Variants in DOCK8 observed in about 807,000 individuals in gnomAD.
DOCK8 encodes the protein dedicator of cytokinesis 8, also known as dedicator of cytokinesis protein 8.
DOCK8 carries 141 observed loss-of-function variants against 245.6 expected under a neutral mutation model. That is an observed-to-expected ratio of 0.57 (90% CI 0.50 to 0.66). DOCK8 has a LOEUF of 0.66. DOCK8 is among the 30% of genes least tolerant of loss of function. The probability of loss-of-function intolerance (pLI) is 0.00; values close to 1 mark genes in which losing one functional copy is unlikely to be tolerated. For missense variants in DOCK8, 2,965 were observed against 2,603.4 expected (o/e 1.14, Z -3.02); for synonymous variants, 1,168 against 970.2 (o/e 1.20, Z -3.79).
Position 386,376 on chromosome 9 carries a change from A to G in DOCK8, c.2824A>G (p.Ser942Gly), listed in dbSNP as rs2131324914. 6.2e-7 allele frequency: 1 copy of G among 1,614,014 alleles called. No individual in the cohort carries two copies. ...CSRMSYYCSG[S>G]SDAPSSPAAP... Reference sequence around the variant, plus strand: ...CCGAATGTCTTACTATTGCTCTGGCAGTAGTGATGCTCCAAGTTCACCTGC... The same window carrying G: ...CCGAATGTCTTACTATTGCTCTGGCGGTAGTGATGCTCCAAGTTCACCTGC... The change falls in exon 23 of 48, where the codon AGT becomes GGT. Residue 942 changes from serine (S) to glycine (G), a missense_variant. Ser to Gly is a moderately conservative substitution (Grantham distance 56, BLOSUM62 0). Transcript: ENST00000432829.
chr9:377,269 T>G, intron 20 of DOCK8, 58 bp downstream of exon 20: 2 of 1,459,026 alleles, frequency 1.4e-6, no homozygotes. Flanking sequence ...ATTGCCTTCT[T>G]TAATGAAAAA....
intron 1 of DOCK8, among the ~76,000 whole-genome samples, chr9:218,148 C>G (rs1170626131): frequency 6.6e-6 from 1 of 151,942 alleles, no homozygotes; most frequent in African/African-American, 2.4e-5. Context: ...TTAAATAGGT[C>G]AAATTCCAAA....
At position 340,169 on chromosome 9, in the gene DOCK8, A is replaced by G. The variant is rs2051509879; in HGVS notation, c.1527A>G (p.Arg509=). The G allele has an allele frequency of 6.2e-7, 1 of 1,613,974 alleles. No homozygotes were observed. Among genetic ancestry groups the G allele is most frequent in the African/African-American group, 1.3e-5 (1 of 74,896 alleles). ...ATTTTCTCTCTTTAGGCTTGCTAAG[A>G]CTGGAGATTTCTACAGCTCCAGAGA... ...RRVKSIPGLL[R]LEISTAPEII... The change falls in exon 14 of 48, where the codon AGA becomes AGG. Residue 509 remains arginine (R), a synonymous_variant. Transcript: ENST00000432829.
intron 4 of DOCK8, among the ~76,000 whole-genome samples, chr9:292,268 G>C (rs2049073174): frequency 6.7e-6 from 1 of 150,266 alleles, no homozygotes; most frequent in East Asian, 2.0e-4. Flanking sequence ...TACTTGGGAG[G>C]CTGAGGCAGG....
At chr9:348,073 G>C (rs1244527835) in intron 14 of DOCK8, among the ~76,000 whole-genome samples, 2 of 152,002 alleles carry the variant, frequency 1.3e-5, no homozygotes, top group Non-Finnish European at 2.9e-5. Flanking sequence ...TTTTCGCAAA[G>C]GATTTTATTC....
intron 26 of DOCK8, among the ~76,000 whole-genome samples, chr9:402,921 A>T (rs947123913): frequency 3.3e-5 from 5 of 151,976 alleles, no homozygotes; most frequent in Admixed American, 6.6e-5. Context: ...ATGGAGTCTT[A>T]CTCTGTTGCC....
chr9:273,688 C>CT (rs774289439), intron 2 of DOCK8, among the ~76,000 whole-genome samples: 2,893 of 140,080 alleles, frequency 0.021, 44 homozygotes, highest in African/African-American at 0.042. Flanking sequence ...AGCTTTTACT[C>CT]TTTTTTTTTT....
chr9:358,673 AC>A (rs869113716), intron 14 of DOCK8, among the ~76,000 whole-genome samples: 4 of 52,876 alleles, frequency 7.6e-5, no homozygotes, highest in Non-Finnish European at 2.6e-4. Context: ...ACATGGTGAA[AC>A]CCTGTCTCTA....
chr9:262,934 C>T (rs613888), intron 1 of DOCK8, among the ~76,000 whole-genome samples: 67,634 of 151,502 alleles, frequency 0.45, 15,408 homozygotes, highest in East Asian at 0.78. Flanking sequence ...AGGCAGGGCA[C>T]GGTGGCTCCC....
chr9:371,455 A>T lies in DOCK8; in HGVS notation c.1896A>T (p.Lys632Asn). 5 of 1,614,162 alleles carry T rather than the reference A, an allele frequency of 3.1e-6. No homozygotes were observed. Among genetic ancestry groups the T allele is most frequent in the Non-Finnish European group, 4.2e-6 (5 of 1,180,024 alleles). Residue 632 changes from lysine to asparagine, a missense_variant, in exon 17 of 48, where the codon AAA becomes AAT. Lys to Asn is a moderately conservative substitution (Grantham distance 94). Transcript: ENST00000432829. ...CTCCTGACTTTTATGAAGAAGTGAA[A>T]ATTAAGCTCCCCGCTAAGCTCACAG... ...NKSPDFYEEV[K>N]IKLPAKLTVN...
At chr9:368,210 C>T (rs1327506733) in intron 15 of DOCK8, 75 bp downstream of exon 15, 3 of 1,230,124 alleles carry the variant, frequency 2.4e-6, no homozygotes, top group South Asian at 1.2e-5. Flanking sequence ...AAGTCCGGGA[C>T]TCATCAGTGT....
chr9:254,843 G>A (rs907737730), intron 1 of DOCK8, among the ~76,000 whole-genome samples: 1 of 152,168 alleles, frequency 6.6e-6, no homozygotes, highest in Non-Finnish European at 1.5e-5. Context: ...GTGTCCTTAG[G>A]TGGACTACAT....
At chr9:235,691 G>C (rs2047227809) in intron 1 of DOCK8, among the ~76,000 whole-genome samples, 1 of 152,218 alleles carries the variant, frequency 6.6e-6, no homozygotes, top group Non-Finnish European at 1.5e-5. Flanking sequence ...ATGGGCATAG[G>C]ACCCTCTGAG....
intron 14 of DOCK8, among the ~76,000 whole-genome samples, chr9:342,939 T>A (rs1236735860): frequency 6.6e-6 from 1 of 152,230 alleles, no homozygotes; most frequent in East Asian, 1.9e-4. Flanking sequence ...GTTTCTTTAA[T>A]ATATCTAAAA....
intron 23 of DOCK8, among the ~76,000 whole-genome samples, chr9:386,749 AC>A (rs142209420): frequency 0.029 from 4,354 of 152,308 alleles, 178 homozygotes; most frequent in African/African-American, 0.099. Context: ...TGCATTTCTA[AC>A]AAGTTCCCAG....
At chr9:255,947 C>T (rs2047762370) in intron 1 of DOCK8, among the ~76,000 whole-genome samples, 1 of 152,152 alleles carries the variant, frequency 6.6e-6, no homozygotes, top group Non-Finnish European at 1.5e-5. Flanking sequence ...CATACGATTT[C>T]ACCAAAACAA....
chr9:286,178 C>T (rs2048815339), intron 2 of DOCK8, among the ~76,000 whole-genome samples: 1 of 152,102 alleles, frequency 6.6e-6, no homozygotes, highest in African/African-American at 2.4e-5. Context: ...CATTTTGGAT[C>T]TCCTCAGGAT....
Position 378,777 on chromosome 9 carries a change from C to G in DOCK8, c.2441-994C>G, listed in dbSNP as rs143575263. 2.5e-3 allele frequency among the ~76,000 whole-genome samples: 382 copies of G among 152,332 alleles called. 5 individuals carry two copies. Among genetic ancestry groups the G allele is most frequent in the African/African-American group, 8.8e-3 (366 of 41,582 alleles). On this transcript the variant is annotated intron_variant, in intron 20 of 47. Transcript: ENST00000432829. ...GGCAGAATAAGTGGAGGTGGCTAGT[C>G]TACAAGCATTTATTCAGAACCTATT...
At chr9:422,989 A>G (rs537849969) in intron 33 of DOCK8, among the ~76,000 whole-genome samples, 162 of 146,104 alleles carry the variant, frequency 1.1e-3, no homozygotes, top group Non-Finnish European at 2.1e-3. Context: ...CATCTCAAAA[A>G]AAAAAAAAAA....
Sources: gnomAD v4.1 joint callset for allele counts (sites outside exome capture counted in the v4.1 genomes callset) on GRCh38, gnomAD v4.1.1 for gene constraint, MANE v1.5 for transcripts, NCBI Gene and HGNC (gene_info 2026-07-23, HGNC 2026-07-21) for gene names.